Variants in TTC6 observed in about 807,000 individuals in gnomAD.
TTC6 encodes the protein tetratricopeptide repeat protein 6.
In TTC6, 172 loss-of-function variants were observed where a neutral mutation model predicts 210.4. The observed-to-expected ratio is 0.82, with a 90% CI of 0.72 to 0.93. The LOEUF is 0.93. Among genes scored for constraint, TTC6 ranks in the 40% least tolerant of loss-of-function variants. TTC6 has a pLI of 0.00. For missense variants in TTC6, 2,414 were observed against 2,318.1 expected (o/e 1.04, Z -0.85); for synonymous variants, 804 against 819.6 (o/e 0.98, Z 0.32).
intron 6 of TTC6, among the ~76,000 whole-genome samples, chr14:37,717,412 A>G (rs991496693): frequency 3.9e-5 from 6 of 152,188 alleles, no homozygotes; most frequent in South Asian, 2.1e-4. Context: ...TAGGAATACT[A>G]TGAACAACTC....
chr14:37,596,968 G>C (rs2095605811), intron 1 of TTC6, among the ~76,000 whole-genome samples: 1 of 148,684 alleles, frequency 6.7e-6, no homozygotes, highest in Non-Finnish European at 1.5e-5. Context: ...AAGATGTGCA[G>C]TTAAGGAAAT....
chr14:37,614,129 A>G (rs1367656095), intron 2 of TTC6, among the ~76,000 whole-genome samples: 7 of 152,052 alleles, frequency 4.6e-5, no homozygotes, highest in Admixed American at 4.6e-4. Flanking sequence ...TACACCCCAC[A>G]CATTCTGATA....
At position 37,737,648 on chromosome 14, in the gene TTC6, AT is replaced by A; in HGVS notation, c.1909-10del. ...GTGACTAATGTATATTTTTCATTTG[AT>A]TATTTCACAGTGTTTCTTACCAAGA... is the stretch of plus-strand genomic sequence containing the variant. On this transcript the variant is annotated splice_polypyrimidine_tract_variant and intron_variant, in intron 8 of 30. Transcript: ENST00000553443. 6.8e-7 allele frequency: 1 copy of A among 1,475,580 alleles called. No individual in the cohort carries two copies. Among genetic ancestry groups the A allele is most frequent in the Non-Finnish European group, 9.1e-7 (1 of 1,100,964 alleles). 91.4% of individuals were successfully genotyped at this position (1,475,580 alleles called of 1,614,324 possible). A position where few individuals can be genotyped will look rare whatever the true frequency, so the allele number is the denominator to read the frequency against.
At chr14:37,814,045 A>T (rs2139445821) in intron 25 of TTC6, among the ~76,000 whole-genome samples, 1 of 152,324 alleles carries the variant, frequency 6.6e-6, no homozygotes, top group South Asian at 2.1e-4. Context: ...CAGATGCTAG[A>T]GAAATCTCTT....
At chr14:37,741,118 G>C (rs2095917719) in intron 10 of TTC6, among the ~76,000 whole-genome samples, 1 of 151,894 alleles carries the variant, frequency 6.6e-6, no homozygotes, top group African/African-American at 2.4e-5. Flanking sequence ...ACAAACTGTG[G>C]GAGTATTGTT....
At chr14:37,801,810 T>C (rs1424143143) in intron 20 of TTC6, among the ~76,000 whole-genome samples, 1 of 152,242 alleles carries the variant, frequency 6.6e-6, no homozygotes, top group Non-Finnish European at 1.5e-5. Flanking sequence ...TTTATACATT[T>C]CAACCATTGT....
At chr14:37,724,766 C>G (rs2095868353) in intron 6 of TTC6, 132 bp from the exon 9 acceptor site, 2 of 491,176 alleles carry the variant, frequency 4.1e-6, no homozygotes, top group South Asian at 7.6e-5. Flanking sequence ...TAAAAAAATT[C>G]TTATCCATAT....
chr14:37,640,313 C>T (rs561569200), intron 1 of TTC6, among the ~76,000 whole-genome samples: 1 of 152,002 alleles, frequency 6.6e-6, no homozygotes, highest in East Asian at 1.9e-4. Context: ...TGGCCAGGTG[C>T]ATTTGAATTT....
At chr14:37,828,613 C>T (rs376849026) in intron 29 of TTC6, among the ~76,000 whole-genome samples, 1 of 152,028 alleles carries the variant, frequency 6.6e-6, no homozygotes. Flanking sequence ...TTTCTATTTC[C>T]CATTTGACTA....
In TTC6 at chr14:37,672,177, C is replaced by T. The variant is rs1037488707; in HGVS notation, c.940-7974C>T. On this transcript the variant is annotated intron_variant, in intron 1 of 30. Transcript: ENST00000553443. ...TATAGATGCATAATTATTTTCATGT[C>T]ATCTTATATTAAAACATGAGATAAG... Among the ~76,000 whole-genome samples the T allele has an allele frequency of 3.3e-5, 5 of 152,096 alleles. No homozygotes were observed. The East Asian group carries it at 9.6e-4, about 29-fold the overall frequency.
At chr14:37,647,819 G>A (rs1271289690) in intron 1 of TTC6, among the ~76,000 whole-genome samples, 7 of 152,084 alleles carry the variant, frequency 4.6e-5, no homozygotes, top group Non-Finnish European at 8.8e-5. Flanking sequence ...ACTGTTAGAG[G>A]CAGAGAGAAG....
intron 1 of TTC6, among the ~76,000 whole-genome samples, chr14:37,624,910 T>G (rs963820283): frequency 6.6e-6 from 1 of 152,052 alleles, no homozygotes; most frequent in South Asian, 2.1e-4. Flanking sequence ...CTTGAGCCAC[T>G]GCGCCCGGCC....
At chr14:37,826,382 T>G (rs762740964) in intron 28 of TTC6, 35 bp downstream of exon 30, 4 of 1,536,206 alleles carry the variant, frequency 2.6e-6, no homozygotes, top group Non-Finnish European at 3.5e-6. Flanking sequence ...ATTATTAGCA[T>G]AAATTAACAC....
chr14:37,788,662 G>A (rs2139316437), intron 15 of TTC6, among the ~76,000 whole-genome samples: 1 of 152,050 alleles, frequency 6.6e-6, no homozygotes, highest in East Asian at 1.9e-4. Flanking sequence ...TCCCATCTTT[G>A]CCCACCCTCA....
chr14:37,781,702 A>G (rs1595253577), intron 14 of TTC6, among the ~76,000 whole-genome samples: 1 of 152,274 alleles, frequency 6.6e-6, no homozygotes. Flanking sequence ...ATCCTTGCCC[A>G]TGCCTATGTC....
chr14:37,764,187 C>T (rs1595219184), intron 14 of TTC6, among the ~76,000 whole-genome samples: 1 of 152,046 alleles, frequency 6.6e-6, no homozygotes, highest in Non-Finnish European at 1.5e-5. Flanking sequence ...TGTGTTATGG[C>T]CTAACATATG....
At chr14:37,786,025 T>A (rs1020982629) in intron 14 of TTC6, among the ~76,000 whole-genome samples, 7 of 152,274 alleles carry the variant, frequency 4.6e-5, no homozygotes, top group African/African-American at 1.7e-4. Flanking sequence ...ATGAGGCGTC[T>A]GTTGGCCCCT....
Position 37,784,987 on chromosome 14 carries a change from A to C in TTC6, c.3267-2481A>C, listed in dbSNP as rs185236292. 2.2e-4 allele frequency among the ~76,000 whole-genome samples: 34 copies of C among 152,312 alleles called. No individual in the cohort carries two copies. In the East Asian group the frequency reaches 6.6e-3, roughly 29 times the overall value. ...TGGCTTGTAGAGTTTCTGCTGAGAG[A>C]TCAGCTGTTAATCTGATGGGCTTCC... On this transcript the variant is annotated intron_variant, in intron 14 of 30. Transcript: ENST00000553443.
At chr14:37,693,025 T>A (rs78000419) in intron 3 of TTC6, among the ~76,000 whole-genome samples, 148 of 152,184 alleles carry the variant, frequency 9.7e-4, no homozygotes, top group Middle Eastern at 3.4e-3. Context: ...TTATTCAACA[T>A]CATACTGGAA....
Sources: allele counts gnomAD v4.1 joint callset (sites outside exome capture counted in the v4.1 genomes callset), GRCh38; gene constraint gnomAD v4.1.1; transcripts MANE v1.5; gene names NCBI Gene and HGNC (gene_info 2026-07-23, HGNC 2026-07-21).